Variants in MX1 observed in about 807,000 individuals in gnomAD.
MX1 encodes the protein interferon-induced GTP-binding protein Mx1.
A neutral mutation model predicts 66.4 loss-of-function variants in MX1; 66 were observed. The ratio of observed to expected loss-of-function variants is 0.99; its 90% CI spans 0.82 to 1.22. The LOEUF (loss-of-function observed/expected upper bound fraction) is 1.22, where lower values mean the gene tolerates loss of function less well. Ranked by LOEUF, MX1 falls within the 50% of genes most tolerant of loss-of-function variation. MX1 has a pLI of 0.00. For synonymous variants in MX1, 311 were observed against 318.1 expected, an observed-to-expected ratio of 0.98 and a Z score of 0.24; for missense variants, 787 against 834.3, an observed-to-expected ratio of 0.94 and a Z score of 0.70.
At chr21:41,451,085 T>A in intron 14 of MX1, 82 bp from the exon 15 acceptor site, 1 of 949,156 alleles carries the variant, frequency 1.1e-6, no homozygotes, top group Non-Finnish European at 1.7e-6. Flanking sequence ...CTTCATACCA[T>A]TTGATCCTCA....
rs1568980530 is a variant in MX1 at position 41,441,054 on chromosome 21, A to ACT, written c.730+29_730+30insCT. The ACT allele has an allele frequency of 1.0e-5, 14 of 1,373,248 alleles. No homozygotes were observed. In the Middle Eastern group the frequency reaches 7.1e-4, roughly 70 times the overall value. 85.1% of individuals were successfully genotyped at this position (1,373,248 alleles called of 1,614,324 possible). On this transcript the variant is annotated intron_variant, in intron 9 of 16. Transcript: ENST00000398598. This position sits in a 1 kb window ranked among gnomAD's most constrained non-coding sequence, Gnocchi z 4.0. ...AGAGTGGGGGAGCCCCACTGTGCTC[A>ACT]GTGAGAATGGGGGAGCCCGCCTGTG...
intron 11 of MX1, among the ~76,000 whole-genome samples, chr21:41,445,052 G>A (rs995898688): frequency 8.5e-5 from 13 of 152,214 alleles, no homozygotes; most frequent in Admixed American, 8.5e-4. Context: ...CATAAAAGTT[G>A]TTGAATCTCA....
intron 7 of MX1, 137 bp downstream of exon 7, chr21:41,437,289 C>G (rs914585286): frequency 1.1e-6 from 1 of 903,910 alleles, no homozygotes; most frequent in African/African-American, 1.7e-5. Flanking sequence ...ACGGTTCCTT[C>G]TACTTCTTTT....
intron 11 of MX1, among the ~76,000 whole-genome samples, chr21:41,444,879 A>G (rs919675724): frequency 2.0e-5 from 3 of 151,488 alleles, no homozygotes; most frequent in African/African-American, 7.3e-5. Flanking sequence ...GCCTCTGACT[A>G]CCCCTCACTA....
intron 7 of MX1, 58 bp from the exon 8 acceptor site, chr21:41,439,636 A>G: frequency 2.6e-6 from 4 of 1,530,392 alleles, no homozygotes; most frequent in Non-Finnish European, 3.6e-6. Context: ...ATTCACCATC[A>G]TGAGATCCGT....
chr21:41,430,428 C>T (rs1310109740), intron 3 of MX1, 105 bp from the exon 4 acceptor site: 1 of 148,948 alleles, frequency 6.7e-6, no homozygotes, highest in Non-Finnish European at 1.5e-5. Context: ...CACACCCCTC[C>T]TGCACTTGCC....
Position 41,451,238 on chromosome 21 carries a change from G to A in MX1, c.1504G>A (p.Ala502Thr), listed in dbSNP as rs370026444. Residue 502 changes from alanine to threonine, a missense_variant, in exon 15 of 17, where the codon GCC (alanine) becomes ACC (threonine). Ala to Thr is a moderately conservative substitution (Grantham distance 58). Transcript: ENST00000398598. ...FEEFFNLHRTAKSKIEDIRAE... is the reference protein window; with the variant it reads ...FEEFFNLHRTTKSKIEDIRAE... ...AGAGTTTTTTAACCTCCACAGAACC[G>A]CCAAGGTAAAACCAACCATGTGTTG... The A allele has an allele frequency of 1.1e-5, 18 of 1,602,488 alleles. No homozygotes were observed. The highest frequency in any genetic ancestry group is 6.7e-5 in the African/African-American group (5 of 74,254).
chr21:41,428,822 T>G (rs768869529), intron 3 of MX1: 5 of 152,266 alleles, frequency 3.3e-5, no homozygotes, highest in Non-Finnish European at 5.9e-5. Flanking sequence ...TGCTACCTAG[T>G]GAGTGCCTCC....
At position 41,458,805 on chromosome 21, in the gene MX1, C is replaced by G. The variant is rs1225379155; in HGVS notation, c.*47C>G. 3 of 1,576,774 alleles carry G rather than the reference C, an allele frequency of 1.9e-6. No homozygotes were observed. The highest frequency in any genetic ancestry group is 2.6e-6 in the Non-Finnish European group (3 of 1,163,934). On this transcript the variant is annotated 3_prime_UTR_variant, in exon 17 of 17. Coordinates refer to ENST00000398598, the MANE Select transcript of MX1 (RefSeq NM_002462.5). ...AGACGTGCACGCACACTGTCTGCCCCCGTTCCCGGGTAGCCACTGGACTGA... is the reference window on the plus strand; with the variant it reads ...AGACGTGCACGCACACTGTCTGCCCGCGTTCCCGGGTAGCCACTGGACTGA...
chr21:41,439,769 T>G lies in MX1; in HGVS notation c.512T>G (p.Val171Gly). Residue 171 changes from valine (V) to glycine (G), a missense_variant, in exon 8 of 17, where the codon GTC (valine) becomes GGC (glycine). By Grantham distance (109) the Val-to-Gly change is moderately radical. Transcript: ENST00000398598. ...ACCCTGGAGATCAGCTCCCGAGATG[T>G]CCCGGATCTGACTCTAATAGACCTT... ...LITLEISSRD[V>G]PDLTLIDLPG... The G allele has an allele frequency of 6.2e-7, 1 of 1,614,016 alleles. No homozygotes were observed. The highest frequency in any genetic ancestry group is 8.5e-7 in the Non-Finnish European group (1 of 1,179,962).
chr21:41,437,266 T>G, intron 7 of MX1, 114 bp downstream of exon 7: 1 of 1,196,496 alleles, frequency 8.4e-7, no homozygotes, highest in Non-Finnish European at 1.2e-6. Flanking sequence ...ACCTTTCTCC[T>G]GCACATCAGG....
intron 10 of MX1, among the ~76,000 whole-genome samples, 194 bp downstream of exon 10, chr21:41,442,108 G>A (rs75237394): frequency 0.01 from 1,559 of 151,076 alleles, 27 homozygotes; most frequent in African/African-American, 0.035. Flanking sequence ...AATAGGAAGG[G>A]GATTACAAAA....
In MX1 at chr21:41,440,962, A is replaced by G. The variant is rs2090489288; in HGVS notation, c.667A>G (p.Ile223Val). Residue 223 changes from isoleucine (I) to valine (V), a missense_variant, in exon 9 of 17, where the codon ATC becomes GTC. Transcript: ENST00000398598. Reference sequence around the variant, plus strand: ...GGTGGTGGTCCCCAGTAATGTGGACATCGCCACCACAGAGGCTCTCAGCAT... The same window carrying G: ...GGTGGTGGTCCCCAGTAATGTGGACGTCGCCACCACAGAGGCTCTCAGCAT... ...SLVVVPSNVD[I>V]ATTEALSMAQ... 4 of 1,614,196 alleles carry G rather than the reference A, an allele frequency of 2.5e-6. No homozygotes were observed. The highest frequency in any genetic ancestry group is 2.5e-6 in the Non-Finnish European group (3 of 1,180,014).
intron 10 of MX1, among the ~76,000 whole-genome samples, 188 bp downstream of exon 10, chr21:41,442,102 G>A (rs1023052473): frequency 2.0e-5 from 3 of 151,568 alleles, no homozygotes; most frequent in African/African-American, 7.3e-5. Context: ...TAGAAGAATA[G>A]GAAGGGGATT....
At chr21:41,445,642 C>T in intron 12 of MX1, 72 bp downstream of exon 12, 6 of 1,594,066 alleles carry the variant, frequency 3.8e-6, no homozygotes, top group Non-Finnish European at 5.1e-6. Flanking sequence ...GGGCCTTATG[C>T]ACTTCCTTCT....
Position 41,446,060 on chromosome 21 carries a change from G to C in MX1, c.1192G>C (p.Glu398Gln), listed in dbSNP as rs778721710. ...CATGCAAGGAGAGGAAACTGTAGGG[G>C]AGGAAGACATTCGGCTGTTTACCAG... ...ALMQGEETVGEEDIRLFTRLR... is the reference protein window; with the variant it reads ...ALMQGEETVGQEDIRLFTRLR... Residue 398 changes from glutamate to glutamine, a missense_variant, in exon 13 of 17, where the codon GAG (glutamate) becomes CAG (glutamine). Glu to Gln is a conservative substitution (Grantham distance 29). Transcript: ENST00000398598. 1 of 1,614,162 alleles carries C rather than the reference G, an allele frequency of 6.2e-7. No homozygotes were observed. Among genetic ancestry groups the C allele is most frequent in the Non-Finnish European group, 8.5e-7 (1 of 1,180,024 alleles).
upstream of MX1, among the ~76,000 whole-genome samples, chr21:41,425,728 G>C (rs781007051): frequency 4.1e-4 from 62 of 152,188 alleles, no homozygotes; most frequent in Non-Finnish European, 8.7e-4. Flanking sequence ...AAGGGGAAAC[G>C]GGAAAGGAGG....
intron 14 of MX1, 45 bp from the exon 15 acceptor site, chr21:41,451,122 C>T (rs2090811292): frequency 2.3e-6 from 3 of 1,332,586 alleles, no homozygotes; most frequent in Non-Finnish European, 3.2e-6. Flanking sequence ...AAGAAGAGAA[C>T]AAATGATCCT....
chr21:41,458,514 T>A lies in MX1; in HGVS notation c.1759-14T>A. On this transcript the variant is annotated splice_polypyrimidine_tract_variant and intron_variant, in intron 16 of 16. Coordinates refer to ENST00000398598, the MANE Select transcript of MX1 (RefSeq NM_002462.5). ...GTCCCCTCCACCCTCCCGTGAACTG[T>A]TCTTTCCTTCCAGGAGGCCAGCAAG... 6.2e-7 allele frequency: 1 copy of A among 1,604,718 alleles called. No homozygotes were observed. Among genetic ancestry groups the A allele is most frequent in the Non-Finnish European group, 8.5e-7 (1 of 1,179,468 alleles).
Sources: allele counts gnomAD v4.1 joint callset (sites outside exome capture counted in the v4.1 genomes callset), GRCh38; gene constraint gnomAD v4.1.1; non-coding constraint Gnocchi (gnomAD v3.1); transcripts MANE v1.5; gene names NCBI Gene and HGNC (gene_info 2026-07-23, HGNC 2026-07-21).